SGCD: variants seen among roughly 807,000 people sequenced by gnomAD.
The protein encoded by SGCD is delta-sarcoglycan.
In SGCD, 18 loss-of-function variants were observed where a neutral mutation model predicts 36.6. The observed-to-expected ratio is 0.49, with a 90% confidence interval of 0.34 to 0.73. The LOEUF is 0.73. SGCD is among the 30% of genes least tolerant of loss of function. The pLI is 0.01. For synonymous variants in SGCD, 133 were observed against 130.6 expected, an observed-to-expected ratio of 1.02 and a Z score of -0.12; for missense variants, 387 against 346.7, an observed-to-expected ratio of 1.12 and a Z score of -0.92.
chr5:156,353,476 ATAGAT>A (rs1470857053), intron 3 of SGCD, among the ~76,000 whole-genome samples: 2 of 152,238 alleles, frequency 1.3e-5, no homozygotes, highest in Non-Finnish European at 2.9e-5. Flanking sequence ...GGAGTGTGAA[ATAGAT>A]TAAAGGTAGG....
the SGCD span, among the ~76,000 whole-genome samples, chr5:155,850,566 A>G: frequency 1.3e-5 from 2 of 152,186 alleles, no homozygotes; most frequent in African/African-American, 2.4e-5. Flanking sequence ...AGAAATATCA[A>G]AGGAGACCGT....
At chr5:156,279,789 C>CA in intron 3 of SGCD, among the ~76,000 whole-genome samples, 1 of 152,172 alleles carries the variant, frequency 6.6e-6, no homozygotes, top group African/African-American at 2.4e-5. Context: ...CATGACTCCC[C>CA]TACACATGGA....
intron 4 of SGCD, among the ~76,000 whole-genome samples, chr5:156,527,763 C>T (rs1757704338): frequency 1.3e-5 from 2 of 152,166 alleles, no homozygotes; most frequent in African/African-American, 4.8e-5. Context: ...CTGTGGTTGA[C>T]CAGGAGATGG....
At chr5:155,996,938 C>CAGAT in intron 1 of SGCD, among the ~76,000 whole-genome samples, 2 of 149,832 alleles carry the variant, frequency 1.3e-5, no homozygotes, top group Admixed American at 6.6e-5. Context: ...GACAGACAGA[C>CAGAT]AGACAGATAG....
chr5:156,392,340 CTG>C (rs1277677859), intron 3 of SGCD, among the ~76,000 whole-genome samples: 1 of 152,170 alleles, frequency 6.6e-6, no homozygotes. Context: ...CAAAAGGAAA[CTG>C]TGTAGTAGTG....
intron 1 of SGCD, among the ~76,000 whole-genome samples, chr5:155,946,588 A>G (rs1757442228): frequency 6.6e-6 from 1 of 152,188 alleles, no homozygotes; most frequent in East Asian, 1.9e-4. Flanking sequence ...CTAGAGATTT[A>G]AATAGTCAGA....
intron 4 of SGCD, among the ~76,000 whole-genome samples, chr5:156,532,794 G>A (rs1008338804): frequency 6.6e-6 from 1 of 151,932 alleles, no homozygotes; most frequent in Non-Finnish European, 1.5e-5. Context: ...CCTTATAAAG[G>A]CTCTATCACT....
intron 3 of SGCD, among the ~76,000 whole-genome samples, chr5:156,394,962 T>G (rs574009845): frequency 2.0e-5 from 3 of 152,262 alleles, no homozygotes; most frequent in Non-Finnish European, 2.9e-5. Flanking sequence ...TCCTTTGCTA[T>G]TGGCTTTATC....
At chr5:156,011,881 C>A (rs2127570929) in intron 1 of SGCD, among the ~76,000 whole-genome samples, 1 of 152,272 alleles carries the variant, frequency 6.6e-6, no homozygotes, top group Non-Finnish European at 1.5e-5. Flanking sequence ...AGGCACAAGA[C>A]AAAAGCACAT....
intron 6 of SGCD, among the ~76,000 whole-genome samples, chr5:156,624,572 C>T (rs1426375482): frequency 1.3e-5 from 2 of 152,250 alleles, no homozygotes; most frequent in East Asian, 3.9e-4. Flanking sequence ...CAGAACAAGA[C>T]TCTGTCTCAA....
At chr5:156,315,870 A>G (rs1767504229) in intron 3 of SGCD, among the ~76,000 whole-genome samples, 2 of 151,934 alleles carry the variant, frequency 1.3e-5, no homozygotes, top group African/African-American at 2.4e-5. Context: ...GAAAATATTC[A>G]TATCTTTGCC....
At chr5:156,350,080 G>A (rs1240978951) in intron 3 of SGCD, among the ~76,000 whole-genome samples, 1 of 151,324 alleles carries the variant, frequency 6.6e-6, no homozygotes, top group Admixed American at 6.6e-5. Flanking sequence ...TGGAGACTCA[G>A]AAGAGGAGAG....
chr5:155,860,445 G>C, the SGCD span, among the ~76,000 whole-genome samples: 1 of 152,172 alleles, frequency 6.6e-6, no homozygotes, highest in Non-Finnish European at 1.5e-5. Context: ...TTTGACTAAA[G>C]TTTTACTTAT....
chr5:156,421,457 G>A (rs1053897455), intron 3 of SGCD, among the ~76,000 whole-genome samples: 7 of 152,076 alleles, frequency 4.6e-5, no homozygotes, highest in African/African-American at 1.7e-4. Context: ...ATGCAAACAG[G>A]CAATGACTTT....
In SGCD at chr5:156,760,998, A is replaced by G. The variant is rs1757489766; in HGVS notation, c.*1608A>G. On this transcript the variant is annotated 3_prime_UTR_variant, in exon 9 of 9. Coordinates refer to ENST00000337851, the MANE Select transcript of SGCD (RefSeq NM_000337.6). ...ACTGGCTTAGACAGTCCTGGATGCC[A>G]TTTGGAAAGTAGTGGCCCTGCAAGC... 1 of 152,200 alleles carries G rather than the reference A, an allele frequency of 6.6e-6. No individual in the cohort carries two copies. Among genetic ancestry groups the G allele is most frequent in the South Asian group, 2.1e-4 (1 of 4,830 alleles). 9.4% of individuals were successfully genotyped at this position (152,200 alleles called of 1,614,324 possible). A position where few individuals can be genotyped will look rare whatever the true frequency, so the allele number is the denominator to read the frequency against.
intron 1 of SGCD, among the ~76,000 whole-genome samples, chr5:155,943,884 C>T (rs929001489): frequency 3.3e-5 from 5 of 152,210 alleles, no homozygotes; most frequent in Non-Finnish European, 5.9e-5. Flanking sequence ...CAAAGTTACC[C>T]ACTTTACTGT....
At chr5:156,672,866 C>T (rs918478932) in intron 7 of SGCD, among the ~76,000 whole-genome samples, 2 of 152,060 alleles carry the variant, frequency 1.3e-5, no homozygotes, top group South Asian at 2.1e-4. Flanking sequence ...TTTATGTTGC[C>T]GTTCTCTTTT....
At chr5:156,720,566 A>G (rs567419472) in intron 7 of SGCD, among the ~76,000 whole-genome samples, 6 of 152,294 alleles carry the variant, frequency 3.9e-5, no homozygotes, top group East Asian at 1.9e-4. Context: ...GATGCAATGA[A>G]GCATTCTGGA....
At chr5:155,814,575 C>T in the SGCD span, among the ~76,000 whole-genome samples, 1 of 152,092 alleles carries the variant, frequency 6.6e-6, no homozygotes, top group African/African-American at 2.4e-5. Context: ...ATAAATGGCA[C>T]TTGGTACACA....
Sources: gnomAD v4.1 joint callset for allele counts (sites outside exome capture counted in the v4.1 genomes callset) on GRCh38, gnomAD v4.1.1 for gene constraint, MANE v1.5 for transcripts, NCBI Gene and HGNC (gene_info 2026-07-23, HGNC 2026-07-21) for gene names.